The following SLC14A2 variants were observed in gnomAD, a reference collection of about 807,000 sequenced individuals.
SLC14A2 encodes urea transporter 2.
SLC14A2 carries 91 observed loss-of-function variants against 104.6 expected under a neutral mutation model. The observed-to-expected ratio is 0.87, with a 90% CI of 0.73 to 1.04. The LOEUF (loss-of-function observed/expected upper bound fraction) is 1.04. Among genes scored for constraint, SLC14A2 ranks in the 50% least tolerant of loss-of-function variants. The probability of loss-of-function intolerance (pLI) is 0.00; values close to 1 mark genes in which losing one functional copy is unlikely to be tolerated. For synonymous variants in SLC14A2, 476 were observed against 466.4 expected, an observed-to-expected ratio of 1.02 and a Z score of -0.27; for missense variants, 1,189 against 1,156.0, an observed-to-expected ratio of 1.03 and a Z score of -0.41.
chr18:45,639,668 T>A, intron 6 of SLC14A2, 78 bp from the exon 7 acceptor site: 1 of 1,440,188 alleles, frequency 6.9e-7, no homozygotes, highest in Non-Finnish European at 9.6e-7. Context: ...CCCCGAGGAA[T>A]GGCTCAAATC....
intron 2 of SLC14A2, among the ~76,000 whole-genome samples, chr18:45,575,573 T>C (rs1308366767): frequency 2.0e-5 from 3 of 152,232 alleles, no homozygotes; most frequent in Non-Finnish European, 2.9e-5. Context: ...TGAGCACTTG[T>C]GCTCTCCTTC....
At chr18:45,191,125 C>CT in the SLC14A2 span, among the ~76,000 whole-genome samples, 1 of 152,070 alleles carries the variant, frequency 6.6e-6, no homozygotes, top group East Asian at 1.9e-4. Context: ...TGGTTCATCT[C>CT]TTCCCCAAGC....
chr18:45,628,485 C>T (rs1258518086), intron 4 of SLC14A2, among the ~76,000 whole-genome samples: 1 of 151,594 alleles, frequency 6.6e-6, no homozygotes, highest in Non-Finnish European at 1.5e-5. Context: ...ATCGTTTTGG[C>T]CCACTCCTCC....
intron 1 of SLC14A2, among the ~76,000 whole-genome samples, chr18:45,475,642 GATATATATATATATATATATAT>G (rs137928157): frequency 6.1e-4 from 30 of 49,218 alleles, no homozygotes; most frequent in South Asian, 2.2e-3. Context: ...ATATATTTAG[GATATATATATATATATATATAT>G]ATATATATAT....
At chr18:45,223,160 T>C (rs776040166) in intron 1 of SLC14A2, among the ~76,000 whole-genome samples, 4 of 152,166 alleles carry the variant, frequency 2.6e-5, no homozygotes, top group African/African-American at 4.8e-5. Flanking sequence ...GAGGAGAATA[T>C]TGCTTAGAGA....
chr18:45,472,019 C>T (rs1415919687), intron 1 of SLC14A2, among the ~76,000 whole-genome samples: 2 of 152,050 alleles, frequency 1.3e-5, no homozygotes, highest in Admixed American at 1.3e-4. Flanking sequence ...TAATGCTATC[C>T]TTCCCCTAGC....
At chr18:45,253,215 T>A (rs2084441351) in intron 1 of SLC14A2, among the ~76,000 whole-genome samples, 1 of 152,166 alleles carries the variant, frequency 6.6e-6, no homozygotes. Flanking sequence ...CAGGTGATGC[T>A]GTTGTTGCTG....
At chr18:45,539,522 C>T (rs991723349) in intron 2 of SLC14A2, among the ~76,000 whole-genome samples, 2 of 152,174 alleles carry the variant, frequency 1.3e-5, no homozygotes, top group East Asian at 3.9e-4. Context: ...AAATCCAGAC[C>T]CTGCCTCTAG....
chr18:45,589,512 C>T (rs1025860843), intron 2 of SLC14A2, among the ~76,000 whole-genome samples: 3 of 151,890 alleles, frequency 2.0e-5, no homozygotes, highest in East Asian at 1.9e-4. Context: ...GACATTTCCC[C>T]GCACCACCCT....
At position 45,388,478 on chromosome 18, in the gene SLC14A2, T is replaced by C. The variant is rs180807239; in HGVS notation, c.-124-94755T>C. ...AGCTCTTATAATAAAAGACAGGGCA[T>C]AGGCTGGTTGGATAGCATCTTCCAT... On this transcript the variant is annotated intron_variant, in intron 1 of 20. Transcript: ENST00000586448. Among the ~76,000 whole-genome samples the C allele has an allele frequency of 1.5e-4, 23 of 152,276 alleles. 1 individual carries two copies. The East Asian group carries it at 3.5e-3, about 23-fold the overall frequency.
chr18:45,546,257 C>G (rs1030408003), intron 2 of SLC14A2, among the ~76,000 whole-genome samples: 2 of 152,212 alleles, frequency 1.3e-5, no homozygotes, highest in Non-Finnish European at 1.5e-5. Flanking sequence ...GATTTTATAT[C>G]CTTAGAACGA....
chr18:45,430,572 A>T (rs1394393853), intron 1 of SLC14A2, among the ~76,000 whole-genome samples: 3 of 149,864 alleles, frequency 2.0e-5, no homozygotes, highest in Non-Finnish European at 4.4e-5. Context: ...TTATTTTATT[A>T]TTTTATTTTA....
chr18:45,288,396 G>T (rs1313067384), intron 1 of SLC14A2, among the ~76,000 whole-genome samples: 3 of 152,224 alleles, frequency 2.0e-5, no homozygotes, highest in Non-Finnish European at 4.4e-5. Context: ...TGCACCCTCA[G>T]TGGGGCAGGA....
chr18:45,307,079 T>C (rs1305776441), intron 1 of SLC14A2, among the ~76,000 whole-genome samples: 1 of 152,086 alleles, frequency 6.6e-6, no homozygotes, highest in African/African-American at 2.4e-5. Context: ...GGAACCTCCA[T>C]CTTCTTGAGG....
At chr18:45,237,730 G>T (rs1214829628) in intron 1 of SLC14A2, among the ~76,000 whole-genome samples, 6 of 152,178 alleles carry the variant, frequency 3.9e-5, no homozygotes, top group African/African-American at 1.4e-4. Context: ...GCTTGTGGGA[G>T]TCTGGAGGCA....
chr18:45,225,915 T>C (rs1214335053), intron 1 of SLC14A2, among the ~76,000 whole-genome samples: 2 of 152,138 alleles, frequency 1.3e-5, no homozygotes, highest in Admixed American at 6.5e-5. Context: ...TTTCTACATA[T>C]ACAGTCCTGT....
intron 1 of SLC14A2, among the ~76,000 whole-genome samples, chr18:45,246,307 G>A (rs563265760): frequency 6.6e-6 from 1 of 152,174 alleles, no homozygotes; most frequent in East Asian, 1.9e-4. Context: ...AGAACTGTGA[G>A]GAAGTAAATT....
intron 2 of SLC14A2, among the ~76,000 whole-genome samples, chr18:45,603,420 T>C (rs946623724): frequency 1.3e-5 from 2 of 152,076 alleles, no homozygotes; most frequent in African/African-American, 4.8e-5. Context: ...CACTGAAAAC[T>C]GAGAGTTCAC....
At chr18:45,266,678 C>T (rs1023588366) in intron 1 of SLC14A2, among the ~76,000 whole-genome samples, 1 of 152,112 alleles carries the variant, frequency 6.6e-6, no homozygotes, top group Non-Finnish European at 1.5e-5. Context: ...TGTGGCAGTT[C>T]TCTGGGTGCC....
Sources: gnomAD v4.1 joint callset for allele counts (sites outside exome capture counted in the v4.1 genomes callset) on GRCh38, gnomAD v4.1.1 for gene constraint, MANE v1.5 for transcripts, NCBI Gene and HGNC (gene_info 2026-07-23, HGNC 2026-07-21) for gene names.